Variants in NAALADL2 observed in about 807,000 individuals in gnomAD.
NAALADL2 encodes the protein N-acetylated alpha-linked acidic dipeptidase like 2, also known as inactive N-acetylated-alpha-linked acidic dipeptidase-like protein 2.
Under a neutral mutation model 87.2 loss-of-function variants are expected in NAALADL2, and 76 were observed. That is an observed-to-expected ratio of 0.87 (90% CI 0.72 to 1.05). The LOEUF (loss-of-function observed/expected upper bound fraction) is 1.05, where lower values mean the gene tolerates loss of function less well. Among genes scored for constraint, NAALADL2 ranks in the 50% least tolerant of loss-of-function variants. The pLI is 0.00. For synonymous variants in NAALADL2, 354 were observed against 331.0 expected, an observed-to-expected ratio of 1.07 and a Z score of -0.75; for missense variants, 1,089 against 945.8, an observed-to-expected ratio of 1.15 and a Z score of -1.99.
At chr3:175,142,194 C>T (rs1233187080) in intron 2 of NAALADL2, among the ~76,000 whole-genome samples, 5 of 151,970 alleles carry the variant, frequency 3.3e-5, no homozygotes, top group African/African-American at 9.7e-5. Context: ...ATAAATTTAA[C>T]CATTTTTCAT....
chr3:175,619,200 TCAGA>T (rs1193039147), intron 10 of NAALADL2, among the ~76,000 whole-genome samples: 2 of 133,282 alleles, frequency 1.5e-5, no homozygotes, highest in Non-Finnish European at 3.1e-5. Context: ...CAGATTCTCC[TCAGA>T]CAAAAAAAAA....
At chr3:174,823,607 T>G (rs970404362) in intron 3 of NAALADL2, among the ~76,000 whole-genome samples, 1 of 152,250 alleles carries the variant, frequency 6.6e-6, no homozygotes, top group Non-Finnish European at 1.5e-5. Context: ...TCTTTAGTGG[T>G]ACAAGAACAA....
At chr3:175,460,227 A>G (rs925187614) in intron 6 of NAALADL2, 11 of 454,826 alleles carry the variant, frequency 2.4e-5, no homozygotes, top group Non-Finnish European at 4.9e-5. Flanking sequence ...TATTATTAAA[A>G]TTTAAAATGT....
At chr3:175,265,035 T>C (rs767344202) in intron 4 of NAALADL2, among the ~76,000 whole-genome samples, 1 of 151,602 alleles carries the variant, frequency 6.6e-6, no homozygotes, top group Non-Finnish European at 1.5e-5. Flanking sequence ...TACTAAACAT[T>C]CATCGAAAGT....
At chr3:175,604,950 T>A (rs1279914445) in intron 10 of NAALADL2, among the ~76,000 whole-genome samples, 2 of 152,208 alleles carry the variant, frequency 1.3e-5, no homozygotes, top group East Asian at 3.9e-4. Context: ...ATGAGTCCTA[T>A]AACTCTGGAT....
At chr3:175,109,248 A>C (rs2108483386) in intron 2 of NAALADL2, among the ~76,000 whole-genome samples, 1 of 152,002 alleles carries the variant, frequency 6.6e-6, no homozygotes, top group East Asian at 1.9e-4. Flanking sequence ...GCTGTTCTTA[A>C]TCAAATTTAT....
chr3:175,147,025 T>A (rs1349927713), intron 2 of NAALADL2, among the ~76,000 whole-genome samples: 2 of 152,198 alleles, frequency 1.3e-5, no homozygotes, highest in African/African-American at 2.4e-5. Flanking sequence ...TGTCTTTTTT[T>A]AGGAAAACTC....
At chr3:175,132,769 G>T (rs1161633166) in intron 2 of NAALADL2, among the ~76,000 whole-genome samples, 3 of 150,446 alleles carry the variant, frequency 2.0e-5, no homozygotes, top group African/African-American at 7.3e-5. Flanking sequence ...GGACAGGGCG[G>T]CTCTCCTGGC....
intron 2 of NAALADL2, among the ~76,000 whole-genome samples, chr3:175,214,766 G>C (rs757120526): frequency 6.6e-6 from 1 of 152,092 alleles, no homozygotes. Flanking sequence ...ACAAAATGTA[G>C]TTAATAAGGA....
chr3:175,640,559 A>T lies in NAALADL2; in HGVS notation c.1896+13173A>T, dbSNP rs531115742. 3.2e-4 allele frequency among the ~76,000 whole-genome samples: 48 copies of T among 152,246 alleles called. No homozygotes were observed. In the South Asian group the frequency reaches 1.0e-2, roughly 32 times the overall value. On this transcript the variant is annotated intron_variant, in intron 11 of 13. Transcript: ENST00000454872. ...GTGAGATATGCATAGATTACAAATG[A>T]TTGATTCTGATTCCCAGGAAGCATC...
chr3:175,163,555 C>T (rs1733549061), intron 2 of NAALADL2, among the ~76,000 whole-genome samples: 1 of 151,872 alleles, frequency 6.6e-6, no homozygotes, highest in African/African-American at 2.4e-5. Context: ...AATATTCTAC[C>T]TATGGAGAGT....
At chr3:175,637,870 T>A (rs569096761) in intron 11 of NAALADL2, among the ~76,000 whole-genome samples, 1 of 152,346 alleles carries the variant, frequency 6.6e-6, no homozygotes, top group Admixed American at 6.5e-5. Context: ...TAATGGATTT[T>A]ATGGACCTTG....
At chr3:174,869,645 C>A (rs759044712) in intron 1 of NAALADL2, among the ~76,000 whole-genome samples, 8 of 151,988 alleles carry the variant, frequency 5.3e-5, no homozygotes, top group African/African-American at 9.7e-5. Context: ...AGTGTTGAAT[C>A]CATGAAACAT....
chr3:175,393,530 G>A (rs1297390442), intron 5 of NAALADL2, among the ~76,000 whole-genome samples: 1 of 151,882 alleles, frequency 6.6e-6, no homozygotes, highest in East Asian at 1.9e-4. Context: ...GTGCAAAAAT[G>A]CATATCCTTT....
At chr3:175,747,707 A>G (rs1746108825) in intron 12 of NAALADL2, among the ~76,000 whole-genome samples, 1 of 151,994 alleles carries the variant, frequency 6.6e-6, no homozygotes, top group Non-Finnish European at 1.5e-5. Flanking sequence ...GATATTAAAT[A>G]TACAATTTCA....
chr3:175,520,997 A>G (rs899885068), intron 9 of NAALADL2, among the ~76,000 whole-genome samples: 2 of 152,178 alleles, frequency 1.3e-5, no homozygotes, highest in African/African-American at 2.4e-5. Flanking sequence ...ATTGTCTGTC[A>G]TATAAAAGTT....
intron 1 of NAALADL2, among the ~76,000 whole-genome samples, chr3:174,480,025 G>A (rs1717458443): frequency 6.6e-6 from 1 of 152,022 alleles, no homozygotes; most frequent in African/African-American, 2.4e-5. Flanking sequence ...ATTAATTTTT[G>A]TAACAACATA....
chr3:174,774,003 G>A (rs1714898208), intron 3 of NAALADL2, among the ~76,000 whole-genome samples: 1 of 152,044 alleles, frequency 6.6e-6, no homozygotes, highest in East Asian at 1.9e-4. Flanking sequence ...TGAAGCAAGT[G>A]TCTTAAGACC....
chr3:174,709,959 T>A (rs986022715), intron 2 of NAALADL2, among the ~76,000 whole-genome samples: 5 of 152,208 alleles, frequency 3.3e-5, no homozygotes, highest in Non-Finnish European at 7.3e-5. Flanking sequence ...TGTATATCAT[T>A]TATAAGGCCT....
Sources: allele counts gnomAD v4.1 joint callset (sites outside exome capture counted in the v4.1 genomes callset), GRCh38; gene constraint gnomAD v4.1.1; transcripts MANE v1.5; gene names NCBI Gene and HGNC (gene_info 2026-07-23, HGNC 2026-07-21).